The following TASP1 variants were observed in gnomAD, a reference collection of about 807,000 sequenced individuals.
The protein encoded by TASP1 is taspase 1.
TASP1 carries 16 observed loss-of-function variants against 56.6 expected under a neutral mutation model. The ratio of observed to expected loss-of-function variants is 0.28; its 90% CI spans 0.19 to 0.43. TASP1 has a LOEUF of 0.43. TASP1 is among the 20% of genes least tolerant of loss of function. The pLI is 1.00. For synonymous variants in TASP1, 179 were observed against 184.2 expected, an observed-to-expected ratio of 0.97 and a Z score of 0.23; for missense variants, 393 against 511.6, an observed-to-expected ratio of 0.77 and a Z score of 2.24.
chr20:13,626,028 A>C (rs1375842013), intron 2 of TASP1, among the ~76,000 whole-genome samples: 1 of 152,246 alleles, frequency 6.6e-6, no homozygotes, highest in Non-Finnish European at 1.5e-5. Flanking sequence ...AAACTCTCTT[A>C]ATTAGGCCTC....
At position 13,390,451 on chromosome 20, in the gene TASP1, G is replaced by C. The variant is rs2041230291; in HGVS notation, c.1172C>G (p.Thr391Ser). 4.3e-6 allele frequency: 7 copies of C among 1,613,444 alleles called. No homozygotes were observed. The South Asian group carries it at 6.6e-5, about 15-fold the overall frequency. The change falls in exon 14 of 14, where the codon ACT (threonine) becomes AGT (serine). Residue 391 changes from threonine to serine, a missense_variant and splice_region_variant. Thr to Ser is a moderately conservative substitution (Grantham distance 58). Transcript: ENST00000337743. Reference protein sequence around the residue: ...YMSAQDGKAKTHISRLPPGAV... With the variant: ...YMSAQDGKAKSHISRLPPGAV... The stretch of plus-strand genomic sequence containing the variant: ...ACCAGGAGGAAGTCTTGAAATGTGA[G>C]TCTGCAGAGAGAGAGAGACAGCAGA...
intron 12 of TASP1, among the ~76,000 whole-genome samples, chr20:13,433,857 A>AC (rs996692958): frequency 7.3e-5 from 11 of 151,578 alleles, no homozygotes; most frequent in Non-Finnish European, 7.4e-5. Context: ...AAAAAAAAAA[A>AC]AAACAGAAGA....
intron 10 of TASP1, among the ~76,000 whole-genome samples, chr20:13,525,743 A>G (rs375343472): frequency 1.3e-5 from 2 of 152,210 alleles, no homozygotes; most frequent in African/African-American, 4.8e-5. Context: ...ATGTGTTTCC[A>G]TTGTCAACTT....
chr20:13,279,605 C>A, the TASP1 span: 1 of 1,590,498 alleles, frequency 6.3e-7, no homozygotes, highest in African/African-American at 1.3e-5. Context: ...TGACTCCACA[C>A]TGACCCCAGC....
intron 11 of TASP1, among the ~76,000 whole-genome samples, chr20:13,454,342 A>G (rs1466517927): frequency 2.0e-5 from 3 of 152,160 alleles, no homozygotes; most frequent in Non-Finnish European, 4.4e-5. Flanking sequence ...CGTCTGTGGT[A>G]GTTTCAGGGA....
chr20:13,399,361 C>T (rs966622159), intron 13 of TASP1, among the ~76,000 whole-genome samples: 3 of 152,210 alleles, frequency 2.0e-5, no homozygotes, highest in Admixed American at 2.0e-4. Flanking sequence ...ACATATCCAG[C>T]TACCTTTTGG....
At position 13,390,232 on chromosome 20, in the gene TASP1, C is replaced by G. The variant is rs192809345; in HGVS notation, c.*128G>C. 8.9e-5 allele frequency: 72 copies of G among 806,728 alleles called. No individual in the cohort carries two copies. Among genetic ancestry groups the G allele is most frequent in the Non-Finnish European group, 1.0e-4 (53 of 508,110 alleles). 50.0% of individuals were successfully genotyped at this position (806,728 alleles called of 1,614,324 possible). On this transcript the variant is annotated 3_prime_UTR_variant, in exon 14 of 14. Coordinates refer to ENST00000337743, the MANE Select transcript of TASP1 (RefSeq NM_017714.3). ...GCTAACTACAGCAGCACTTGTGTCTCGAGCAGTGCACGAGGTTGCAATAGG... is the reference window on the plus strand; with the variant it reads ...GCTAACTACAGCAGCACTTGTGTCTGGAGCAGTGCACGAGGTTGCAATAGG...
chr20:13,250,898 C>T, the TASP1 span, among the ~76,000 whole-genome samples: 1 of 152,174 alleles, frequency 6.6e-6, no homozygotes, highest in South Asian at 2.1e-4. Flanking sequence ...CATTCTAGGT[C>T]TCCTTTGCCC....
the TASP1 span, among the ~76,000 whole-genome samples, chr20:13,226,159 G>A: frequency 6.8e-6 from 1 of 147,340 alleles, no homozygotes; most frequent in African/African-American, 2.5e-5. Context: ...GTAGTAAAAT[G>A]TCTTTGTTCT....
At chr20:13,145,776 T>G in the TASP1 span, among the ~76,000 whole-genome samples, 2,184 of 152,264 alleles carry the variant, frequency 0.014, 25 homozygotes, top group South Asian at 0.029. Context: ...AGCATGATAC[T>G]GGTAAGAAAA....
rs1352488076 is a variant in TASP1 at position 13,389,491 on chromosome 20, T to C, written c.*869A>G. The C allele has an allele frequency of 2.6e-5, 4 of 152,396 alleles. No homozygotes were observed. Among genetic ancestry groups the C allele is most frequent in the Admixed American group, 2.6e-4 (4 of 15,278 alleles). 9.4% of individuals were successfully genotyped at this position (152,396 alleles called of 1,614,324 possible). A position where few individuals can be genotyped will look rare whatever the true frequency, so the allele number is the denominator to read the frequency against. On this transcript the variant is annotated 3_prime_UTR_variant, in exon 14 of 14. Transcript: ENST00000337743. ...TTTTTGTGCCTTTATCTTAAAAATA[T>C]ATTTAAACAAAAACAAAGATAATAT...
the TASP1 span, among the ~76,000 whole-genome samples, chr20:13,256,709 A>C: frequency 6.6e-6 from 1 of 151,768 alleles, no homozygotes; most frequent in Non-Finnish European, 1.5e-5. Flanking sequence ...AGAGGTATTC[A>C]CTCTCCCCGA....
At chr20:13,279,827 A>C in the TASP1 span, 63 of 1,613,420 alleles carry the variant, frequency 3.9e-5, 1 homozygote, top group South Asian at 6.7e-4. Context: ...AACTTCCTCA[A>C]CCCCCCCAGG....
chr20:13,255,201 G>A, the TASP1 span, among the ~76,000 whole-genome samples: 1 of 152,310 alleles, frequency 6.6e-6, no homozygotes, highest in Admixed American at 6.5e-5. Context: ...TGACATTTAA[G>A]CTGAGACTTG....
chr20:13,393,821 G>A (rs2041389359), intron 13 of TASP1: 4 of 553,780 alleles, frequency 7.2e-6, no homozygotes, highest in Non-Finnish European at 1.3e-5. Context: ...AAGAGGGAGG[G>A]GCCTAGGGAG....
At chr20:13,622,880 C>T (rs1417137816) in intron 4 of TASP1, among the ~76,000 whole-genome samples, 2 of 152,132 alleles carry the variant, frequency 1.3e-5, no homozygotes, top group Non-Finnish European at 2.9e-5. Flanking sequence ...GGTTCCAAAT[C>T]AAGAGAACTG....
intron 13 of TASP1, among the ~76,000 whole-genome samples, chr20:13,409,517 A>G (rs887987582): frequency 6.6e-6 from 1 of 152,100 alleles, no homozygotes; most frequent in Admixed American, 6.6e-5. Context: ...GTCTGACACT[A>G]ATATAGCCAT....
the TASP1 span, chr20:13,168,742 T>A: frequency 5.9e-5 from 9 of 152,170 alleles, no homozygotes; most frequent in African/African-American, 2.2e-4. Flanking sequence ...TAATAACAAT[T>A]GTAACAACAG....
chr20:13,227,265 G>A, the TASP1 span, among the ~76,000 whole-genome samples: 5 of 151,926 alleles, frequency 3.3e-5, no homozygotes, highest in South Asian at 2.1e-4. Context: ...GTGCAGTGGC[G>A]CTATCTTGGC....
Sources: allele counts gnomAD v4.1 joint callset (sites outside exome capture counted in the v4.1 genomes callset), GRCh38; gene constraint gnomAD v4.1.1; transcripts MANE v1.5; gene names NCBI Gene and HGNC (gene_info 2026-07-23, HGNC 2026-07-21).